The following NUGGC variants were observed in gnomAD, a reference collection of about 807,000 sequenced individuals.
NUGGC encodes nuclear GTPase, germinal center associated.
In NUGGC, 58 loss-of-function variants were observed where a neutral mutation model predicts 92.6. That is an observed-to-expected ratio of 0.63 (90% CI 0.51 to 0.78). NUGGC has a LOEUF of 0.78. NUGGC is among the 30% of genes least tolerant of loss of function. NUGGC has a pLI of 0.00. For synonymous variants in NUGGC, 376 were observed against 366.4 expected (o/e 1.03, Z -0.30); for missense variants, 925 against 964.6 (o/e 0.96, Z 0.54).
rs769684507 is a variant in NUGGC, at chr8:28,064,605, C to T, written c.838G>A (p.Asp280Asn). The change falls in exon 7 of 19, where the codon GAC (aspartate) becomes AAC (asparagine). Residue 280 changes from aspartate (D) to asparagine (N), a missense_variant. Coordinates refer to ENST00000413272, the MANE Select transcript of NUGGC (RefSeq NM_001010906.2). ...KHVEVTLPKS[D>N]LIPEGVVLVD... ...AGCACGACCCCTTCTGGGATCAGGT[C>T]GGATTTGGGAAGTGTCACTTCCACA... 6.8e-6 allele frequency: 11 copies of T among 1,613,992 alleles called. No homozygotes were observed. Among genetic ancestry groups the T allele is most frequent in the Non-Finnish European group, 9.3e-6 (11 of 1,179,892 alleles).
At chr8:28,079,852 T>A (rs914263287) in intron 1 of NUGGC, among the ~76,000 whole-genome samples, 1 of 152,218 alleles carries the variant, frequency 6.6e-6, no homozygotes, top group Non-Finnish European at 1.5e-5. Flanking sequence ...AGCAACTTGA[T>A]AGAATTGTAT....
Position 28,047,756 on chromosome 8 carries a change from C to A in NUGGC, c.1207-144G>T, listed in dbSNP as rs1310420352. 9 of 553,380 alleles carry A rather than the reference C, an allele frequency of 1.6e-5. No homozygotes were observed. In the East Asian group the frequency reaches 2.7e-4, roughly 16 times the overall value. The allele number at this position is 553,380 out of a possible 1,614,324, so 34.3% of individuals were successfully genotyped here. A position where few individuals can be genotyped will look rare whatever the true frequency, so the allele number is the denominator to read the frequency against. Reference sequence around the variant, plus strand: ...ACCCTCTCTGGGAACAGACAATGTTCTCAATGTCTGGTGTTGCCATCTGTC... The same window carrying A: ...ACCCTCTCTGGGAACAGACAATGTTATCAATGTCTGGTGTTGCCATCTGTC... On this transcript the variant is annotated intron_variant, in intron 10 of 18. Transcript: ENST00000413272.
intron 10 of NUGGC, among the ~76,000 whole-genome samples, chr8:28,054,826 T>A (rs1013588967): frequency 6.6e-6 from 1 of 152,022 alleles, no homozygotes; most frequent in Non-Finnish European, 1.5e-5. Context: ...GGCAGGAGGA[T>A]CACTTCAGCC....
At chr8:28,059,226 G>A (rs1052083932) in intron 8 of NUGGC, among the ~76,000 whole-genome samples, 5 of 152,100 alleles carry the variant, frequency 3.3e-5, no homozygotes, top group Admixed American at 6.5e-5. Context: ...GAGGTGAGAC[G>A]CATCCGTGAC....
At chr8:28,059,002 C>A (rs559438463) in intron 8 of NUGGC, among the ~76,000 whole-genome samples, 39 of 152,262 alleles carry the variant, frequency 2.6e-4, no homozygotes, top group Non-Finnish European at 4.6e-4. Context: ...CCACACTCAG[C>A]CTAATTGTGT....
At chr8:28,064,790 G>C (rs1472375756) in intron 6 of NUGGC, 59 bp from the exon 7 acceptor site, 1 of 1,462,396 alleles carries the variant, frequency 6.8e-7, no homozygotes, top group Non-Finnish European at 9.5e-7. Context: ...GTTCACCCCG[G>C]TTGGCTGTGA....
chr8:28,051,782 C>T (rs189813074), intron 10 of NUGGC, among the ~76,000 whole-genome samples: 85 of 152,206 alleles, frequency 5.6e-4, no homozygotes, highest in Non-Finnish European at 6.6e-4. Flanking sequence ...ATTAGCTGGG[C>T]CTGGTGGCCC....
At chr8:28,065,382 G>C (rs777085366) in intron 6 of NUGGC, among the ~76,000 whole-genome samples, 3 of 152,038 alleles carry the variant, frequency 2.0e-5, no homozygotes, top group Admixed American at 2.0e-4. Flanking sequence ...GGATGGGGTC[G>C]ATCTCCTGAC....
intron 13 of NUGGC, among the ~76,000 whole-genome samples, chr8:28,034,823 A>G (rs957371240): frequency 2.6e-5 from 4 of 152,190 alleles, no homozygotes; most frequent in African/African-American, 4.8e-5. Flanking sequence ...AACTCAAAAA[A>G]AAAGGTCCAA....
rs555482722 is a variant in NUGGC, at chr8:28,068,113, G to A, written c.480+103C>T. ...GAAGGAAAGAAGGGAGAGAGGGAGG[G>A]AAGAGGAAGGAAGGAAGAAAGAAAG... On this transcript the variant is annotated intron_variant, in intron 5 of 18. Coordinates refer to ENST00000413272, the MANE Select transcript of NUGGC (RefSeq NM_001010906.2). 1.1e-4 allele frequency: 74 copies of A among 672,086 alleles called. No individual in the cohort carries two copies. In the East Asian group the frequency reaches 1.9e-3, roughly 17 times the overall value. 41.6% of individuals were successfully genotyped at this position (672,086 alleles called of 1,614,324 possible).
intron 16 of NUGGC, among the ~76,000 whole-genome samples, chr8:28,030,054 A>G (rs924355320): frequency 5.3e-5 from 8 of 152,146 alleles, no homozygotes; most frequent in African/African-American, 1.9e-4. Flanking sequence ...ACTGGATTCT[A>G]CAGCTAAATC....
intron 7 of NUGGC, among the ~76,000 whole-genome samples, chr8:28,062,452 C>CA (rs34648549): frequency 0.21 from 27,303 of 131,954 alleles, 2,908 homozygotes; most frequent in East Asian, 0.5. Context: ...CTCATCTCTA[C>CA]AAAAAAAAAA....
chr8:28,083,021 A>G (rs1810887268), intron 1 of NUGGC, among the ~76,000 whole-genome samples: 1 of 152,240 alleles, frequency 6.6e-6, no homozygotes, highest in Non-Finnish European at 1.5e-5. Context: ...CAAATGTCCC[A>G]TATACAGAAG....
chr8:28,047,439 A>G, intron 11 of NUGGC, 68 bp downstream of exon 11: 1 of 987,006 alleles, frequency 1.0e-6, no homozygotes, highest in Non-Finnish European at 1.5e-6. Context: ...GTTCTAGAGC[A>G]GGAAATTCGA....
intron 18 of NUGGC, among the ~76,000 whole-genome samples, chr8:28,026,372 G>A (rs567575451): frequency 2.0e-5 from 3 of 152,216 alleles, no homozygotes; most frequent in South Asian, 2.1e-4. Flanking sequence ...AGTTTATACC[G>A]GGGGCCTGAT....
chr8:28,031,767 G>A (rs1809423884), intron 14 of NUGGC, among the ~76,000 whole-genome samples: 1 of 152,220 alleles, frequency 6.6e-6, no homozygotes, highest in Admixed American at 6.5e-5. Context: ...AGTTGGGTAA[G>A]ATCTGAAGAA....
At chr8:28,041,282 G>T in intron 12 of NUGGC, 67 bp from the exon 13 acceptor site, 1 of 1,484,598 alleles carries the variant, frequency 6.7e-7, no homozygotes. Flanking sequence ...CTGAAGCTTT[G>T]CTTTCTTTAA....
chr8:28,026,142 C>G (rs1461235812), intron 18 of NUGGC, among the ~76,000 whole-genome samples: 1 of 152,144 alleles, frequency 6.6e-6, no homozygotes, highest in Non-Finnish European at 1.5e-5. Context: ...ACACAGTCCT[C>G]CACTCCTTGT....
At chr8:28,045,002 CT>C (rs929421823) in intron 12 of NUGGC, among the ~76,000 whole-genome samples, 12 of 152,170 alleles carry the variant, frequency 7.9e-5, no homozygotes, top group African/African-American at 2.9e-4. Context: ...ATTTTAACTA[CT>C]TTTTCAGAAG....
Sources: gnomAD v4.1 joint callset for allele counts (sites outside exome capture counted in the v4.1 genomes callset) on GRCh38, gnomAD v4.1.1 for gene constraint, MANE v1.5 for transcripts, NCBI Gene and HGNC (gene_info 2026-07-23, HGNC 2026-07-21) for gene names.